SPPL2A: variants seen among roughly 807,000 people sequenced by gnomAD.
SPPL2A encodes the protein signal peptide peptidase-like 2A.
Under a neutral mutation model 63.8 loss-of-function variants are expected in SPPL2A, and 51 were observed. The ratio of observed to expected loss-of-function variants is 0.80; its 90% CI spans 0.64 to 1.01. SPPL2A has a LOEUF of 1.01. Among genes scored for constraint, SPPL2A ranks in the 50% least tolerant of loss-of-function variants. The pLI, the probability that SPPL2A is intolerant of heterozygous loss-of-function variation, is 0.00. For missense variants in SPPL2A, 553 were observed against 622.7 expected (o/e 0.89, Z 1.19); for synonymous variants, 188 against 205.8 (o/e 0.91, Z 0.74).
chr15:50,752,693 G>C (rs2062919652), intron 1 of SPPL2A, among the ~76,000 whole-genome samples: 1 of 150,956 alleles, frequency 6.6e-6, no homozygotes. Flanking sequence ...ACTCCAGCCT[G>C]TGCAACAGAG....
intron 12 of SPPL2A, among the ~76,000 whole-genome samples, chr15:50,723,602 A>G (rs2062664382): frequency 6.6e-6 from 1 of 152,024 alleles, no homozygotes; most frequent in Non-Finnish European, 1.5e-5. Context: ...CAGCCTCCCA[A>G]GTAGCTGGGA....
intron 9 of SPPL2A, among the ~76,000 whole-genome samples, chr15:50,732,355 T>C (rs1437896983): frequency 6.6e-6 from 1 of 151,838 alleles, no homozygotes; most frequent in Non-Finnish European, 1.5e-5. Flanking sequence ...ATAGTTTAGC[T>C]AGCAAATCAG....
At chr15:50,737,396 C>T (rs1278054542) in intron 6 of SPPL2A, among the ~76,000 whole-genome samples, 1 of 152,162 alleles carries the variant, frequency 6.6e-6, no homozygotes, top group East Asian at 1.9e-4. Flanking sequence ...CAACATAATA[C>T]AAATATCATT....
Position 50,748,172 on chromosome 15 carries a change from GA to G in SPPL2A, c.390del (p.Pro131LeufsTer3). On this transcript the variant is annotated frameshift_variant, in exon 4 of 15. Coordinates refer to ENST00000261854, the MANE Select transcript of SPPL2A (RefSeq NM_032802.4). LOFTEE classifies it high-confidence loss of function. ...AATGCAATCAGTATTTTCACATCAG[GA>G]AATTCAGATCTGTTACCTGAGGGAG... is the stretch of plus-strand genomic sequence containing the variant. ...LFPPSGNRSE[F>X]PDVKILIAFI... 6.6e-7 allele frequency: 1 copy of G among 1,505,666 alleles called. No individual in the cohort carries two copies. The highest frequency in any genetic ancestry group is 8.9e-7 in the Non-Finnish European group (1 of 1,125,420). The allele number at this position is 1,505,666 out of a possible 1,614,324, so 93.3% of individuals were successfully genotyped here.
At chr15:50,759,614 G>A (rs2062991160) in intron 1 of SPPL2A, among the ~76,000 whole-genome samples, 1 of 152,054 alleles carries the variant, frequency 6.6e-6, no homozygotes, top group Non-Finnish European at 1.5e-5. Flanking sequence ...ATGGTGGCGG[G>A]TGCCTGCAGT....
intron 10 of SPPL2A, among the ~76,000 whole-genome samples, chr15:50,728,715 C>T (rs888345357): frequency 6.6e-6 from 1 of 151,834 alleles, no homozygotes; most frequent in Non-Finnish European, 1.5e-5. Flanking sequence ...ACGATCTCGG[C>T]TCACTGTAAC....
rs2063055035 is a variant in SPPL2A at position 50,765,676 on chromosome 15, C to T, written c.-143G>A. The T allele has an allele frequency of 1.8e-5, 8 of 441,598 alleles. No individual in the cohort carries two copies. Among genetic ancestry groups the T allele is most frequent in the Non-Finnish European group, 2.3e-5 (6 of 263,384 alleles). 27.4% of individuals were successfully genotyped at this position (441,598 alleles called of 1,614,324 possible). A position where few individuals can be genotyped will look rare whatever the true frequency, so the allele number is the denominator to read the frequency against. On this transcript the variant is annotated 5_prime_UTR_variant, in exon 1 of 15. Coordinates refer to ENST00000261854, the MANE Select transcript of SPPL2A (RefSeq NM_032802.4). ...CGGCCGGGCTACGACTGGACCGCCG[C>T]TGCTACAGCGGCCGCCACAGCAGCG... is the stretch of plus-strand genomic sequence containing the variant.
Position 50,703,356 on chromosome 15 carries a change from A to ATATTTTTTTTT in SPPL2A, c.*4443_*4444insAAAAAAAAATA, listed in dbSNP as rs1196710672. On this transcript the variant is annotated 3_prime_UTR_variant, in exon 15 of 15. Transcript: ENST00000261854. ...TATATATATATATATACATATATAT[A>ATATTTTTTTTT]TTTTTTTTTTTTTTTTTTTTTTTTG... is the stretch of plus-strand genomic sequence containing the variant. The ATATTTTTTTTT allele has an allele frequency of 1.5e-4, 9 of 62,040 alleles. No individual in the cohort carries two copies. Among genetic ancestry groups the ATATTTTTTTTT allele is most frequent in the African/African-American group, 5.6e-4 (8 of 14,238 alleles). 3.8% of individuals were successfully genotyped at this position (62,040 alleles called of 1,614,324 possible).
At chr15:50,754,759 G>A (rs940706931) in intron 1 of SPPL2A, among the ~76,000 whole-genome samples, 7 of 152,090 alleles carry the variant, frequency 4.6e-5, no homozygotes, top group Admixed American at 1.3e-4. Flanking sequence ...TAGGTGGGCG[G>A]ATCAACTGAG....
chr15:50,762,650 A>G (rs1216759426), intron 1 of SPPL2A, among the ~76,000 whole-genome samples: 1 of 151,974 alleles, frequency 6.6e-6, no homozygotes, highest in Non-Finnish European at 1.5e-5. Flanking sequence ...TCTGAAGACT[A>G]CGTGCTGCTT....
intron 12 of SPPL2A, among the ~76,000 whole-genome samples, chr15:50,723,941 T>C (rs1197875755): frequency 1.3e-5 from 2 of 152,224 alleles, no homozygotes; most frequent in Non-Finnish European, 2.9e-5. Context: ...TTTTAGACCT[T>C]TGACATTTAC....
chr15:50,758,962 G>A (rs2062986120), intron 1 of SPPL2A, among the ~76,000 whole-genome samples: 1 of 152,068 alleles, frequency 6.6e-6, no homozygotes, highest in South Asian at 2.1e-4. Flanking sequence ...CCAGGCTACA[G>A]AACAGAGGCA....
chr15:50,740,440 A>G (rs1056370692), intron 5 of SPPL2A, among the ~76,000 whole-genome samples: 2 of 148,938 alleles, frequency 1.3e-5, no homozygotes, highest in Admixed American at 6.7e-5. Flanking sequence ...AAAAAAAAAA[A>G]AAAAAGAAAA....
intron 7 of SPPL2A, 64 bp downstream of exon 7, chr15:50,736,580 T>C: frequency 4.3e-6 from 4 of 932,070 alleles, no homozygotes; most frequent in Non-Finnish European, 6.8e-6. Context: ...ATAATACTCC[T>C]ACTTTTGTAT....
intron 14 of SPPL2A, among the ~76,000 whole-genome samples, chr15:50,712,679 C>CCCCCT (rs35199045): frequency 4.2e-4 from 43 of 102,926 alleles, no homozygotes; most frequent in Non-Finnish European, 6.8e-4. Context: ...CTCCCCCCCC[C>CCCCCT]TTTTTTTTTT....
At chr15:50,757,989 TAAAA>T (rs71210386) in intron 1 of SPPL2A, among the ~76,000 whole-genome samples, 1 of 61,326 alleles carries the variant, frequency 1.6e-5, no homozygotes. Flanking sequence ...GTCTCAATTA[TAAAA>T]AAAAAAAAAA....
chr15:50,735,324 T>A (rs757981232), intron 8 of SPPL2A, among the ~76,000 whole-genome samples: 1 of 152,142 alleles, frequency 6.6e-6, no homozygotes, highest in African/African-American at 2.4e-5. Context: ...TGTGTAAATA[T>A]AACGTAATGT....
chr15:50,710,027 T>G (rs1354665279), intron 14 of SPPL2A, among the ~76,000 whole-genome samples: 2 of 152,168 alleles, frequency 1.3e-5, no homozygotes, highest in Non-Finnish European at 2.9e-5. Flanking sequence ...TTTAGTCAAT[T>G]TAAATGAAGA....
chr15:50,713,555 G>T (rs1008244852), intron 14 of SPPL2A, among the ~76,000 whole-genome samples: 1 of 151,600 alleles, frequency 6.6e-6, no homozygotes, highest in African/African-American at 2.4e-5. Flanking sequence ...GTGAGCCACC[G>T]CGCCCAGCAT....
Sources: gnomAD v4.1 joint callset for allele counts (sites outside exome capture counted in the v4.1 genomes callset) on GRCh38, gnomAD v4.1.1 for gene constraint, MANE v1.5 for transcripts, NCBI Gene and HGNC (gene_info 2026-07-23, HGNC 2026-07-21) for gene names.